Variants in TMEM108 observed in about 807,000 individuals in gnomAD.
TMEM108 encodes the protein transmembrane protein 108.
Under a neutral mutation model 35.1 loss-of-function variants are expected in TMEM108, and 12 were observed. The observed-to-expected ratio is 0.34, with a 90% CI of 0.22 to 0.55. The LOEUF is 0.55. Among genes scored for constraint, TMEM108 ranks in the 20% least tolerant of loss-of-function variants. The probability of loss-of-function intolerance (pLI) is 0.89; values close to 1 mark genes in which losing one functional copy is unlikely to be tolerated. For synonymous variants in TMEM108, 287 were observed against 308.6 expected (o/e 0.93, Z 0.73); for missense variants, 680 against 753.3 (o/e 0.90, Z 1.14).
At chr3:133,236,875 T>G (rs1429135645) in intron 3 of TMEM108, among the ~76,000 whole-genome samples, 2 of 152,072 alleles carry the variant, frequency 1.3e-5, no homozygotes, top group Non-Finnish European at 2.9e-5. Context: ...GATGTCCTCC[T>G]GTGGTCTGTG....
chr3:133,376,047 A>AACTTCT (rs2072827921), intron 3 of TMEM108, among the ~76,000 whole-genome samples: 1 of 152,212 alleles, frequency 6.6e-6, no homozygotes, highest in South Asian at 2.1e-4. Context: ...TTCTAGAGAG[A>AACTTCT]ACAATAACTT....
chr3:133,240,794 A>G (rs1354086031), intron 3 of TMEM108, among the ~76,000 whole-genome samples: 1 of 152,218 alleles, frequency 6.6e-6, no homozygotes, highest in Non-Finnish European at 1.5e-5. Context: ...TGTGAGAGTT[A>G]AATGGGTAGG....
intron 3 of TMEM108, among the ~76,000 whole-genome samples, chr3:133,290,654 A>T (rs1464591886): frequency 6.6e-6 from 1 of 152,154 alleles, no homozygotes; most frequent in African/African-American, 2.4e-5. Flanking sequence ...TAAACAAAAA[A>T]ACCGATTCAG....
intron 2 of TMEM108, among the ~76,000 whole-genome samples, chr3:133,152,197 G>A (rs777406478): frequency 6.6e-6 from 1 of 152,204 alleles, no homozygotes; most frequent in African/African-American, 2.4e-5. Flanking sequence ...TTCATTCACA[G>A]TGCCTTTGAA....
intron 3 of TMEM108, among the ~76,000 whole-genome samples, chr3:133,288,922 GA>G (rs1053755852): frequency 3.3e-5 from 5 of 152,122 alleles, no homozygotes; most frequent in Non-Finnish European, 4.4e-5. Context: ...TTTTAGTAGA[GA>G]TGGGGTTTCA....
At chr3:133,229,047 C>T (rs1408557297) in intron 2 of TMEM108, among the ~76,000 whole-genome samples, 1 of 152,158 alleles carries the variant, frequency 6.6e-6, no homozygotes, top group Non-Finnish European at 1.5e-5. Context: ...GAGCTTCCTT[C>T]AGTGGGGTGT....
At chr3:133,255,937 C>T (rs967472198) in intron 3 of TMEM108, among the ~76,000 whole-genome samples, 1 of 152,046 alleles carries the variant, frequency 6.6e-6, no homozygotes, top group Non-Finnish European at 1.5e-5. Flanking sequence ...TGCAGTGAGC[C>T]GAGATCATGC....
chr3:133,272,312 T>TGTG (rs1553755045), intron 3 of TMEM108, among the ~76,000 whole-genome samples: 1 of 141,822 alleles, frequency 7.1e-6, no homozygotes, highest in Non-Finnish European at 1.6e-5. Context: ...TGTGTGTGTG[T>TGTG]TTCCTAAAGG....
intron 1 of TMEM108, chr3:133,041,782 A>C (rs1576287761): frequency 6.6e-6 from 1 of 152,208 alleles, no homozygotes; most frequent in African/African-American, 2.4e-5. Context: ...AATTATTTGC[A>C]TGTGAAGCTA....
At position 133,144,184 on chromosome 3, in the gene TMEM108, C is replaced by T. The variant is rs116653660; in HGVS notation, c.-46-85082C>T. Reference sequence around the variant, plus strand: ...TCCCCTCCCTGTGTCCATGTGTTCTCGCTATTCAACTTCCACTTATGAGTG... The same window carrying T: ...TCCCCTCCCTGTGTCCATGTGTTCTTGCTATTCAACTTCCACTTATGAGTG... On this transcript the variant is annotated intron_variant, in intron 2 of 5. Coordinates refer to ENST00000321871, the MANE Select transcript of TMEM108 (RefSeq NM_023943.4). Among the ~76,000 whole-genome samples the T allele has an allele frequency of 3.1e-3, 479 of 152,100 alleles. 2 individuals carry two copies. The highest frequency in any genetic ancestry group is 0.011 in the African/African-American group (455 of 41,490).
chr3:133,048,920 G>A (rs992915187), intron 2 of TMEM108, among the ~76,000 whole-genome samples: 1 of 152,152 alleles, frequency 6.6e-6, no homozygotes, highest in Admixed American at 6.5e-5. Flanking sequence ...TCAAAGTGTG[G>A]CCTCTGAACC....
chr3:133,301,069 C>G (rs1051577258), intron 3 of TMEM108, among the ~76,000 whole-genome samples: 9 of 150,776 alleles, frequency 6.0e-5, no homozygotes, highest in African/African-American at 2.2e-4. Context: ...TAAGAGGCAT[C>G]TCTGTTTTAG....
intron 4 of TMEM108, 86 bp downstream of exon 4, chr3:133,381,247 C>T (rs909717429): frequency 1.4e-6 from 2 of 1,401,578 alleles, no homozygotes; most frequent in Non-Finnish European, 1.9e-6. Context: ...GATTTGGCAT[C>T]CTTGCCAAGT....
At position 133,229,310 on chromosome 3, in the gene TMEM108, C is replaced by T. The variant is rs918011428; in HGVS notation, c.-2C>T. 9 of 1,612,804 alleles carry T rather than the reference C, an allele frequency of 5.6e-6. No homozygotes were observed. In the African/African-American group the frequency reaches 9.4e-5, roughly 17 times the overall value. On this transcript the variant is annotated 5_prime_UTR_variant, in exon 3 of 6. Transcript: ENST00000321871. ...GGAGGATAAGCAGGACCAGATGATA[C>T]CATGAAGAGAAGTTTACAGGCCCTC...
chr3:133,061,370 C>T (rs958323570), intron 2 of TMEM108, among the ~76,000 whole-genome samples: 5 of 152,052 alleles, frequency 3.3e-5, no homozygotes, highest in African/African-American at 1.2e-4. Flanking sequence ...GCCACCACAC[C>T]CAGCTAAATT....
rs143904494 is a variant in TMEM108, at chr3:133,070,870, G to A, written c.-47+24850G>A. ...ATGGGTATGAGGGTGCTAGGGTACT[G>A]CAGCTGCTCTGAATGTTATGTTGCC... is the stretch of plus-strand genomic sequence containing the variant. On this transcript the variant is annotated intron_variant, in intron 2 of 5. Coordinates refer to ENST00000321871, the MANE Select transcript of TMEM108 (RefSeq NM_023943.4). Among the ~76,000 whole-genome samples the A allele has an allele frequency of 6.5e-3, 991 of 152,024 alleles. 11 individuals are homozygous for A. The highest frequency in any genetic ancestry group is 0.022 in the African/African-American group (931 of 41,460).
At chr3:133,318,588 C>G (rs933547508) in intron 3 of TMEM108, among the ~76,000 whole-genome samples, 12 of 152,100 alleles carry the variant, frequency 7.9e-5, no homozygotes, top group Admixed American at 1.3e-4. Flanking sequence ...ATTTTTTACT[C>G]TAAAAATCTC....
At chr3:133,324,220 G>C (rs2071302036) in intron 3 of TMEM108, among the ~76,000 whole-genome samples, 2 of 152,072 alleles carry the variant, frequency 1.3e-5, no homozygotes, top group Admixed American at 1.3e-4. Context: ...GAAATAATCA[G>C]CAGAGTAAAC....
chr3:133,351,885 G>C (rs1235491231), intron 3 of TMEM108, among the ~76,000 whole-genome samples: 1 of 152,166 alleles, frequency 6.6e-6, no homozygotes, highest in Non-Finnish European at 1.5e-5. Flanking sequence ...GCTGTTATTA[G>C]ATCAGTGACT....
Sources: allele counts gnomAD v4.1 joint callset (sites outside exome capture counted in the v4.1 genomes callset), GRCh38; gene constraint gnomAD v4.1.1; transcripts MANE v1.5; gene names NCBI Gene and HGNC (gene_info 2026-07-23, HGNC 2026-07-21).